MROH1: variants seen among roughly 807,000 people sequenced by gnomAD.
MROH1 encodes maestro heat-like repeat-containing protein family member 1.
MROH1 carries 117 observed loss-of-function variants against 116.5 expected under a neutral mutation model. The ratio of observed to expected loss-of-function variants is 1.00; its 90% CI spans 0.86 to 1.17. MROH1 has a LOEUF of 1.17. Among genes scored for constraint, MROH1 ranks in the 50% most tolerant of loss-of-function variants. The pLI is 0.00. For missense variants in MROH1, 1,873 were observed against 1,338.5 expected (o/e 1.40, Z -6.23); for synonymous variants, 921 against 583.9 (o/e 1.58, Z -8.32).
Position 144,238,772 on chromosome 8 carries a change from C to T in MROH1, c.1355C>T (p.Pro452Leu). The T allele has an allele frequency of 2.6e-6, 2 of 773,262 alleles. No homozygotes were observed. The highest frequency in any genetic ancestry group is 4.8e-6 in the Non-Finnish European group (2 of 417,674). The allele number at this position is 773,262 out of a possible 1,614,324, so 47.9% of individuals were successfully genotyped here. Residue 452 changes from proline to leucine, a missense_variant, in exon 15 of 44, where the codon CCC (proline) becomes CTC (leucine). Coordinates refer to ENST00000326134, the MANE Select transcript of MROH1 (RefSeq NM_032450.3). ...TTCCTCCAGCCTGAGAAGCCAGGCC[C>T]CGGCAGCAAGGACCCCAAGGCCGAC... ...PPEQEPEKPG[P>L]GSKDPKADSV...
intron 12 of MROH1, among the ~76,000 whole-genome samples, chr8:144,207,403 G>C (rs1458201673): frequency 1.3e-5 from 2 of 151,994 alleles, no homozygotes; most frequent in Admixed American, 1.3e-4. Context: ...GGCCAGGATG[G>C]TCTTGATCTT....
intron 27 of MROH1, 42 bp from the exon 28 acceptor site, chr8:144,244,402 C>A: frequency 1.4e-6 from 1 of 727,890 alleles, no homozygotes; most frequent in African/African-American, 1.7e-5. Context: ...CTGTAGGCTG[C>A]GGGGTCACTG....
intron 39 of MROH1, 50 bp downstream of exon 39, chr8:144,260,424 C>T (rs1844808085): frequency 4.3e-6 from 3 of 701,800 alleles, no homozygotes; most frequent in Admixed American, 2.0e-5. Context: ...CCCTTCCTGC[C>T]TCTTACTCTG....
intron 35 of MROH1, among the ~76,000 whole-genome samples, chr8:144,258,011 C>T (rs892160627): frequency 7.9e-5 from 12 of 152,322 alleles, no homozygotes; most frequent in East Asian, 1.9e-4. Flanking sequence ...TCACACACTA[C>T]GCCCCACCCA....
At chr8:144,202,575 C>CGGG (rs1831494134) in intron 12 of MROH1, among the ~76,000 whole-genome samples, 2 of 126,602 alleles carry the variant, frequency 1.6e-5, no homozygotes, top group Non-Finnish European at 1.7e-5. Flanking sequence ...GAGGGAAGCG[C>CGGG]CCCCTCTGTG....
intron 35 of MROH1, among the ~76,000 whole-genome samples, chr8:144,256,408 C>G (rs1447154789): frequency 7.5e-6 from 1 of 133,492 alleles, no homozygotes; most frequent in African/African-American, 2.9e-5. Flanking sequence ...CTCCCCCTGC[C>G]CCCCTTGGCC....
chr8:144,202,963 G>C (rs185281661), intron 12 of MROH1, among the ~76,000 whole-genome samples: 6,075 of 9,350 alleles, frequency 0.65, 2,233 homozygotes, highest in South Asian at 0.86. Flanking sequence ...GGGGAGGGGA[G>C]CGCCCGCTGT....
chr8:144,252,367 T>C (rs1162712685), intron 33 of MROH1: 7 of 151,378 alleles, frequency 4.6e-5, no homozygotes, highest in Admixed American at 1.3e-4. Flanking sequence ...CTACTGAAAA[T>C]ATAAAAATTG....
chr8:144,204,034 C>T (rs1203492688), intron 12 of MROH1, among the ~76,000 whole-genome samples: 1 of 152,214 alleles, frequency 6.6e-6, no homozygotes, highest in Non-Finnish European at 1.5e-5. Context: ...AACCAAATGA[C>T]ATACTTCAAA....
In MROH1 at chr8:144,254,053, C is replaced by T. The variant is rs964707259; in HGVS notation, c.3429-760C>T. Among the ~76,000 whole-genome samples the T allele has an allele frequency of 2.0e-3, 306 of 152,284 alleles. 1 individual carries two copies. The highest frequency in any genetic ancestry group is 6.9e-3 in the African/African-American group (285 of 41,536). ...TCCTTGACAGCCATTGTTTCCTCTG[C>T]CTCTGGGACATCCATCAAATGTACG... is the stretch of plus-strand genomic sequence containing the variant. On this transcript the variant is annotated intron_variant, in intron 33 of 43. Transcript: ENST00000326134.
chr8:144,217,464 A>G (rs754920018), intron 12 of MROH1, among the ~76,000 whole-genome samples: 3 of 152,200 alleles, frequency 2.0e-5, no homozygotes, highest in Non-Finnish European at 4.4e-5. Flanking sequence ...TCTGAAACAC[A>G]TCGGGTCGCA....
At chr8:144,261,558 GCCTC>G in intron 43 of MROH1, 93 bp from the exon 44 acceptor site, 1 of 697,506 alleles carries the variant, frequency 1.4e-6, no homozygotes. Context: ...TGGCTCCTGA[GCCTC>G]CCAGCAGAGG....
chr8:144,156,810 G>A lies in MROH1; in HGVS notation c.-176-4160G>A, dbSNP rs1272452109. Among the ~76,000 whole-genome samples, 394 of 122,746 alleles carry A rather than the reference G, an allele frequency of 3.2e-3. 2 individuals carry two copies. Among genetic ancestry groups the A allele is most frequent in the South Asian group, 6.4e-3 (22 of 3,456 alleles). The allele number at this position is 122,746 out of a possible 152,430, so 80.5% of individuals were successfully genotyped here. ...TTTTTTTTTTTTTTCTTGAGACAGAGTCTCATTCTGTCCCCAGGCTTGAGT... is the reference window on the plus strand; with the variant it reads ...TTTTTTTTTTTTTTCTTGAGACAGAATCTCATTCTGTCCCCAGGCTTGAGT... On this transcript the variant is annotated intron_variant, in intron 1 of 43. Transcript: ENST00000326134.
rs770705072 is a variant in MROH1, at chr8:144,180,172, G to T, written c.301-6G>T. 1 of 1,613,692 alleles carries T rather than the reference G, an allele frequency of 6.2e-7. No homozygotes were observed. Among genetic ancestry groups the T allele is most frequent in the Non-Finnish European group, 8.5e-7 (1 of 1,179,786 alleles). ...TTTGGTCTACCTGCCGGTGTTTTGG[G>T]TTCAGGACCTGGTCTGGGACTGGCA... On this transcript the variant is annotated splice_region_variant and splice_polypyrimidine_tract_variant and intron_variant, in intron 5 of 43. Coordinates refer to ENST00000326134, the MANE Select transcript of MROH1 (RefSeq NM_032450.3). This position sits in a 1 kb window ranked among gnomAD's most constrained non-coding sequence, Gnocchi z 7.4.
At chr8:144,256,078 C>T (rs1011240151) in intron 35 of MROH1, among the ~76,000 whole-genome samples, 18 of 152,258 alleles carry the variant, frequency 1.2e-4, no homozygotes, top group African/African-American at 3.9e-4. Context: ...ATGGCAGGAC[C>T]AGCTTTGTCC....
At chr8:144,229,295 C>T (rs1214779892) in intron 14 of MROH1, among the ~76,000 whole-genome samples, 1 of 152,070 alleles carries the variant, frequency 6.6e-6, no homozygotes, top group Non-Finnish European at 1.5e-5. Flanking sequence ...ATAGTGAATC[C>T]TTCCCAGAAG....
intron 35 of MROH1, among the ~76,000 whole-genome samples, chr8:144,258,240 G>A (rs1378896285): frequency 6.6e-6 from 1 of 152,188 alleles, no homozygotes; most frequent in Non-Finnish European, 1.5e-5. Context: ...TGCACGCCCA[G>A]GGCGCCTGCT....
chr8:144,190,996 C>T (rs1564436695), intron 8 of MROH1, 61 bp downstream of exon 8: 4 of 1,535,950 alleles, frequency 2.6e-6, no homozygotes, highest in Non-Finnish European at 2.6e-6. Flanking sequence ...CCCCACATTC[C>T]CTGCCCGTGG....
At chr8:144,231,928 G>A (rs992718889) in intron 14 of MROH1, among the ~76,000 whole-genome samples, 6 of 152,170 alleles carry the variant, frequency 3.9e-5, no homozygotes, top group Non-Finnish European at 5.9e-5. Flanking sequence ...ACATATACTC[G>A]GGGTACCTGT....
Sources: gnomAD v4.1 joint callset for allele counts (sites outside exome capture counted in the v4.1 genomes callset) on GRCh38, gnomAD v4.1.1 for gene constraint, Gnocchi (gnomAD v3.1) non-coding constraint, MANE v1.5 for transcripts, NCBI Gene and HGNC (gene_info 2026-07-23, HGNC 2026-07-21) for gene names.